NFIB: variants seen among roughly 807,000 people sequenced by gnomAD.
NFIB encodes the protein nuclear factor I B, also known as nuclear factor 1 B-type.
Under a neutral mutation model 61.5 loss-of-function variants are expected in NFIB, and 11 were observed. The ratio of observed to expected loss-of-function variants is 0.18; its 90% CI spans 0.11 to 0.30. The LOEUF is 0.30. NFIB is among the 10% of genes least tolerant of loss of function. NFIB has a pLI of 1.00. For missense variants in NFIB, 471 were observed against 608.9 expected (o/e 0.77, Z 2.38); for synonymous variants, 260 against 216.5 (o/e 1.20, Z -1.76).
intron 1 of NFIB, among the ~76,000 whole-genome samples, chr9:14,339,807 G>C (rs928003074): frequency 6.6e-5 from 10 of 152,272 alleles, no homozygotes; most frequent in Non-Finnish European, 1.3e-4. Context: ...GGGAGCCCAG[G>C]ATTATTTAAA....
At chr9:14,350,975 A>G (rs971685034) in intron 1 of NFIB, among the ~76,000 whole-genome samples, 24 of 152,182 alleles carry the variant, frequency 1.6e-4, no homozygotes, top group African/African-American at 5.5e-4. Context: ...CCTGCCTCCT[A>G]TCCCCCAAAG....
At chr9:14,285,809 ACCTTAAGTGG>A in intron 2 of NFIB, among the ~76,000 whole-genome samples, 1 of 152,050 alleles carries the variant, frequency 6.6e-6, no homozygotes, top group South Asian at 2.1e-4. Flanking sequence ...AATCCTACCC[ACCTTAAGTGG>A]GTATCACTTA....
intron 2 of NFIB, among the ~76,000 whole-genome samples, chr9:14,262,911 C>T (rs2056899788): frequency 6.6e-6 from 1 of 152,014 alleles, no homozygotes; most frequent in Admixed American, 6.6e-5. Context: ...TTAGAGGCAG[C>T]CATTTCCAAA....
chr9:14,278,875 G>A (rs940899565), intron 2 of NFIB, among the ~76,000 whole-genome samples: 6 of 151,966 alleles, frequency 3.9e-5, no homozygotes, highest in African/African-American at 1.4e-4. Context: ...CATACTGAGG[G>A]GAAAAAAATG....
At chr9:14,439,470 G>T in the NFIB span, among the ~76,000 whole-genome samples, 3 of 152,176 alleles carry the variant, frequency 2.0e-5, no homozygotes, top group Non-Finnish European at 2.9e-5. Flanking sequence ...TGCGTTATAG[G>T]GCTATTGTGA....
chr9:14,391,878 G>A (rs868345010), intron 1 of NFIB, among the ~76,000 whole-genome samples: 2 of 152,160 alleles, frequency 1.3e-5, no homozygotes, highest in Middle Eastern at 3.4e-3. Flanking sequence ...TTGAATAAAC[G>A]TTTACTCACT....
At chr9:14,328,244 A>C (rs1315364172) in intron 1 of NFIB, among the ~76,000 whole-genome samples, 2 of 152,144 alleles carry the variant, frequency 1.3e-5, no homozygotes, top group African/African-American at 4.8e-5. Context: ...TCCAGACCCA[A>C]GGGATCCTCC....
intron 1 of NFIB, among the ~76,000 whole-genome samples, chr9:14,392,637 T>A (rs1038690920): frequency 6.6e-6 from 1 of 152,020 alleles, no homozygotes; most frequent in Non-Finnish European, 1.5e-5. Flanking sequence ...CTGAGATCTA[T>A]TGAACCCAGG....
chr9:14,353,476 C>T (rs1454074119), intron 1 of NFIB, among the ~76,000 whole-genome samples: 1 of 152,092 alleles, frequency 6.6e-6, no homozygotes, highest in Non-Finnish European at 1.5e-5. Context: ...TGCATCCCTG[C>T]ACCCTGAGAA....
intron 2 of NFIB, among the ~76,000 whole-genome samples, chr9:14,297,020 G>GCACACCCCCTGCTCCCTGCC (rs1439320370): frequency 1.3e-5 from 2 of 152,062 alleles, no homozygotes; most frequent in African/African-American, 4.8e-5. Context: ...GTGTGCATGC[G>GCACACCCCCTGCTCCCTGCC]CACACCCCCT....
the NFIB span, among the ~76,000 whole-genome samples, chr9:14,486,941 A>G: frequency 6.6e-6 from 1 of 152,252 alleles, no homozygotes; most frequent in African/African-American, 2.4e-5. Context: ...ATGAAGGCAG[A>G]TATCCCAATC....
chr9:14,134,884 C>T (rs1366235446), intron 6 of NFIB, among the ~76,000 whole-genome samples: 5 of 103,648 alleles, frequency 4.8e-5, no homozygotes, highest in African/African-American at 2.1e-4. Context: ...GGTGACAGGG[C>T]GAGACTCTGT....
chr9:14,311,509 A>G (rs2060276171), intron 1 of NFIB, among the ~76,000 whole-genome samples: 1 of 151,612 alleles, frequency 6.6e-6, no homozygotes, highest in Non-Finnish European at 1.5e-5. Flanking sequence ...GCCTAGATTT[A>G]TATTATTAAA....
intron 6 of NFIB, among the ~76,000 whole-genome samples, chr9:14,129,375 T>A (rs1586888609): frequency 1.6e-5 from 2 of 124,994 alleles, no homozygotes. Flanking sequence ...GATACAAAAG[T>A]GAATCCCCGC....
At chr9:14,388,467 A>AAG (rs149904785) in intron 1 of NFIB, among the ~76,000 whole-genome samples, 7,484 of 143,466 alleles carry the variant, frequency 0.052, 425 homozygotes, top group East Asian at 0.31. Flanking sequence ...GAGAAAGAAA[A>AAG]AGAGAGAGAG....
chr9:14,450,545 G>C, the NFIB span, among the ~76,000 whole-genome samples: 1 of 152,068 alleles, frequency 6.6e-6, no homozygotes, highest in Non-Finnish European at 1.5e-5. Context: ...TCCCCACTCT[G>C]TGTACTCCGA....
chr9:14,128,792 C>T (rs1403385624), intron 6 of NFIB, among the ~76,000 whole-genome samples: 1 of 151,780 alleles, frequency 6.6e-6, no homozygotes, highest in Non-Finnish European at 1.5e-5. Context: ...TCAATTAAGG[C>T]AACTGCAACT....
chr9:14,467,293 G>A, the NFIB span, among the ~76,000 whole-genome samples: 3 of 152,158 alleles, frequency 2.0e-5, no homozygotes, highest in Non-Finnish European at 4.4e-5. Flanking sequence ...GAGTCACTGA[G>A]AGCTGTTCCT....
At position 14,254,765 on chromosome 9, in the gene NFIB, T is replaced by A. The variant is rs184806804; in HGVS notation, c.562+52224A>T. Among the ~76,000 whole-genome samples the A allele has an allele frequency of 4.6e-5, 7 of 152,282 alleles. No homozygotes were observed. The East Asian group carries it at 1.2e-3, about 25-fold the overall frequency. ...ATTTACCTCTTTATTTGAATAAGACTTCTGAAAAATGCTTTGTAGTTGGGA... is the reference window on the plus strand; with the variant it reads ...ATTTACCTCTTTATTTGAATAAGACATCTGAAAAATGCTTTGTAGTTGGGA... On this transcript the variant is annotated intron_variant, in intron 2 of 10. Transcript: ENST00000380953.
Sources: gnomAD v4.1 joint callset for allele counts (sites outside exome capture counted in the v4.1 genomes callset) on GRCh38, gnomAD v4.1.1 for gene constraint, MANE v1.5 for transcripts, NCBI Gene and HGNC (gene_info 2026-07-23, HGNC 2026-07-21) for gene names.